Variants in HMGB1 observed in about 807,000 individuals in gnomAD.
HMGB1 encodes high mobility group protein B1.
For synonymous variants in HMGB1, 81 were observed against 84.0 expected (o/e 0.96, Z 0.19); for missense variants, 79 against 253.5 (o/e 0.31, Z 4.67).
At chr13:30,537,694 T>C (rs1868518080) in intron 1 of HMGB1, among the ~76,000 whole-genome samples, 1 of 128,180 alleles carries the variant, frequency 7.8e-6, no homozygotes, top group African/African-American at 3.2e-5. Context: ...TATATATATA[T>C]ATAAAATTGA....
At chr13:30,532,655 T>G (rs1428434947) in intron 1 of HMGB1, among the ~76,000 whole-genome samples, 1 of 152,090 alleles carries the variant, frequency 6.6e-6, no homozygotes, top group African/African-American at 2.4e-5. Context: ...ACTACAGGCA[T>G]GCACCATCAT....
intron 1 of HMGB1, among the ~76,000 whole-genome samples, chr13:30,523,332 C>T (rs977729076): frequency 1.3e-5 from 2 of 152,242 alleles, no homozygotes; most frequent in African/African-American, 4.8e-5. Flanking sequence ...AGTGCTACAG[C>T]ACCACTCCTT....
intron 1 of HMGB1, among the ~76,000 whole-genome samples, chr13:30,508,748 C>T (rs550859911): frequency 6.6e-6 from 1 of 152,158 alleles, no homozygotes; most frequent in Non-Finnish European, 1.5e-5. Flanking sequence ...TAAATTTCCC[C>T]TCCCCTTCAT....
intron 1 of HMGB1, among the ~76,000 whole-genome samples, chr13:30,491,655 T>A (rs1385378679): frequency 2.2e-5 from 3 of 139,036 alleles, no homozygotes; most frequent in Non-Finnish European, 1.6e-5. Context: ...AGCAAGACCC[T>A]ATCTCAAAAA....
intron 1 of HMGB1, among the ~76,000 whole-genome samples, chr13:30,607,851 G>C (rs752884116): frequency 5.9e-5 from 9 of 152,122 alleles, no homozygotes; most frequent in Non-Finnish European, 1.3e-4. Flanking sequence ...AAATTACCAT[G>C]AAACGATTTT....
At chr13:30,566,239 C>T (rs1870177741) in intron 1 of HMGB1, among the ~76,000 whole-genome samples, 1 of 152,176 alleles carries the variant, frequency 6.6e-6, no homozygotes, top group Non-Finnish European at 1.5e-5. Flanking sequence ...AGGGGACACG[C>T]TCAAGTTCTC....
intron 1 of HMGB1, among the ~76,000 whole-genome samples, chr13:30,513,746 T>C (rs983801666): frequency 1.3e-5 from 2 of 152,208 alleles, no homozygotes; most frequent in African/African-American, 4.8e-5. Context: ...CATTAATCCA[T>C]GTATGGATTA....
chr13:30,465,434 C>G (rs1459900518), intron 1 of HMGB1, among the ~76,000 whole-genome samples: 1 of 145,374 alleles, frequency 6.9e-6, no homozygotes, highest in African/African-American at 2.5e-5. Flanking sequence ...GGCCGCGCTC[C>G]GCGCACGCCG....
intron 1 of HMGB1, among the ~76,000 whole-genome samples, chr13:30,567,923 C>T (rs1284089320): frequency 6.6e-6 from 1 of 152,172 alleles, no homozygotes; most frequent in Non-Finnish European, 1.5e-5. Context: ...TAGGCAAATC[C>T]CAACTGCTGT....
At chr13:30,610,614 G>T (rs1294588269) in intron 1 of HMGB1, among the ~76,000 whole-genome samples, 3 of 152,100 alleles carry the variant, frequency 2.0e-5, no homozygotes, top group Non-Finnish European at 4.4e-5. Context: ...ATTAGTAGAT[G>T]TTTTCATTTT....
intron 1 of HMGB1, among the ~76,000 whole-genome samples, chr13:30,593,566 C>T (rs1467569170): frequency 6.6e-6 from 1 of 152,164 alleles, no homozygotes; most frequent in Admixed American, 6.5e-5. Context: ...ACTTGAAAGA[C>T]TAAAAACTAT....
At chr13:30,566,059 A>G (rs1344436692) in intron 1 of HMGB1, among the ~76,000 whole-genome samples, 5 of 152,136 alleles carry the variant, frequency 3.3e-5, no homozygotes, top group African/African-American at 1.2e-4. Flanking sequence ...GTTATGGGCC[A>G]TTTTCTGAGT....
intron 1 of HMGB1, among the ~76,000 whole-genome samples, chr13:30,482,625 C>T (rs1887257216): frequency 6.6e-6 from 1 of 152,202 alleles, no homozygotes; most frequent in Non-Finnish European, 1.5e-5. Context: ...GACTCGACAC[C>T]TTCCATGTCT....
intron 1 of HMGB1, among the ~76,000 whole-genome samples, chr13:30,546,550 T>C (rs1869167675): frequency 6.6e-6 from 1 of 152,202 alleles, no homozygotes; most frequent in Non-Finnish European, 1.5e-5. Flanking sequence ...GTGGAACAAT[T>C]AAAGCTCACT....
chr13:30,461,576 AC>A, intron 4 of HMGB1, 43 bp from the exon 5 acceptor site: 1 of 1,569,242 alleles, frequency 6.4e-7, no homozygotes, highest in Non-Finnish European at 8.7e-7. Context: ...GAAGAAAAAA[AC>A]ATTAAGGAAA....
chr13:30,593,650 T>C (rs938441012), intron 1 of HMGB1, among the ~76,000 whole-genome samples: 1 of 152,228 alleles, frequency 6.6e-6, no homozygotes, highest in African/African-American at 2.4e-5. Context: ...CTAATAATTA[T>C]TTCAAAGTTT....
chr13:30,538,713 T>G (rs560260884), intron 1 of HMGB1, among the ~76,000 whole-genome samples: 29 of 143,920 alleles, frequency 2.0e-4, no homozygotes, highest in Non-Finnish European at 3.6e-4. Context: ...TTTTCTTTCT[T>G]TCTTCTTTTT....
chr13:30,558,005 T>A (rs976961985), intron 1 of HMGB1, among the ~76,000 whole-genome samples: 3 of 152,100 alleles, frequency 2.0e-5, no homozygotes, highest in Non-Finnish European at 2.9e-5. Context: ...TGTGTATGCC[T>A]GAGAAGGATC....
chr13:30,592,919 A>G (rs1871432617), intron 1 of HMGB1, among the ~76,000 whole-genome samples: 1 of 151,876 alleles, frequency 6.6e-6, no homozygotes, highest in Admixed American at 6.6e-5. Context: ...ATAGTGCAAA[A>G]CAACAATTCA....
Sources: allele counts gnomAD v4.1 joint callset (sites outside exome capture counted in the v4.1 genomes callset), GRCh38; gene constraint gnomAD v4.1.1; transcripts MANE v1.5; gene names NCBI Gene and HGNC (gene_info 2026-07-23, HGNC 2026-07-21).